PAK2: variants seen among roughly 807,000 people sequenced by gnomAD.
The protein encoded by PAK2 is serine/threonine-protein kinase PAK 2.
In PAK2, 21 loss-of-function variants were observed where a neutral mutation model predicts 65.9. The ratio of observed to expected loss-of-function variants is 0.32; its 90% CI spans 0.23 to 0.46. The LOEUF is 0.46. Among genes scored for constraint, PAK2 ranks in the 20% least tolerant of loss-of-function variants. The pLI is 1.00. For synonymous variants in PAK2, 204 were observed against 219.7 expected (o/e 0.93, Z 0.63); for missense variants, 324 against 642.6 (o/e 0.50, Z 5.36).
chr3:196,795,860 T>C (rs926403438), intron 2 of PAK2, among the ~76,000 whole-genome samples: 3 of 152,202 alleles, frequency 2.0e-5, no homozygotes, highest in Admixed American at 2.0e-4. Context: ...ATGTGGCACC[T>C]CCGTGGTTCT....
At chr3:196,802,872 C>T (rs1462739051) in intron 3 of PAK2, 145 bp from the exon 4 acceptor site, 2 of 526,416 alleles carry the variant, frequency 3.8e-6, no homozygotes, top group African/African-American at 2.0e-5. Context: ...AAAAATAGAC[C>T]TTTAGAAAAT....
In PAK2 at chr3:196,818,963, A is replaced by G. The variant is rs148220788; in HGVS notation, c.1153+807A>G. The stretch of plus-strand genomic sequence containing the variant: ...TTTTAAGTACTCATTTTAGCTATAA[A>G]TATTGTTTGACCTAACTGTTACTCT... On this transcript the variant is annotated intron_variant, in intron 12 of 14. Transcript: ENST00000327134. 5.9e-5 allele frequency among the ~76,000 whole-genome samples: 9 copies of G among 152,298 alleles called. No homozygotes were observed. The East Asian group carries it at 1.7e-3, about 29-fold the overall frequency.
intron 1 of PAK2, among the ~76,000 whole-genome samples, chr3:196,745,818 T>TAA (rs747996109): frequency 2.6e-4 from 37 of 142,194 alleles, no homozygotes; most frequent in Admixed American, 2.1e-4. Flanking sequence ...CATCTCTAAG[T>TAA]AAAAAAAAAA....
At chr3:196,811,209 TC>T (rs1195642274) in intron 8 of PAK2, among the ~76,000 whole-genome samples, 1 of 43,848 alleles carries the variant, frequency 2.3e-5, no homozygotes, top group African/African-American at 1.0e-4. Flanking sequence ...CTCCCTTCCT[TC>T]CCTTCCCTCC....
In PAK2 at chr3:196,762,568, C is replaced by G. The variant is rs183307186; in HGVS notation, c.-21-20058C>G. Reference sequence around the variant, plus strand: ...AGGCGTGGCGGCGCATGCCTGCAATCGCAGGCACTCGGCAGGCTGAGGCAG... The same window carrying G: ...AGGCGTGGCGGCGCATGCCTGCAATGGCAGGCACTCGGCAGGCTGAGGCAG... On this transcript the variant is annotated intron_variant, in intron 1 of 14. Transcript: ENST00000327134. Among the ~76,000 whole-genome samples the G allele has an allele frequency of 3.4e-5, 5 of 148,654 alleles. No individual in the cohort carries two copies. In the East Asian group the frequency reaches 7.9e-4, roughly 24 times the overall value.
chr3:196,756,239 G>A (rs892346105), intron 1 of PAK2, among the ~76,000 whole-genome samples: 6 of 152,072 alleles, frequency 3.9e-5, no homozygotes. Flanking sequence ...GAGAAAAAAG[G>A]GTCACATTTG....
At chr3:196,783,325 C>G (rs1714772712) in intron 2 of PAK2, among the ~76,000 whole-genome samples, 1 of 152,150 alleles carries the variant, frequency 6.6e-6, no homozygotes, top group Admixed American at 6.6e-5. Context: ...AAATATATGT[C>G]TAGTTCAGGG....
chr3:196,784,115 T>C (rs1714803614), intron 2 of PAK2, among the ~76,000 whole-genome samples: 1 of 152,204 alleles, frequency 6.6e-6, no homozygotes, highest in Admixed American at 6.5e-5. Context: ...CCTGGGAAGC[T>C]TAATAAATCT....
chr3:196,815,179 C>CAAA (rs1006098764), intron 11 of PAK2, among the ~76,000 whole-genome samples: 1 of 143,504 alleles, frequency 7.0e-6, no homozygotes, highest in South Asian at 2.2e-4. Flanking sequence ...GAGTCCGTCT[C>CAAA]AAAAAAAAAG....
intron 1 of PAK2, among the ~76,000 whole-genome samples, chr3:196,779,088 C>T (rs1714628054): frequency 6.6e-6 from 1 of 152,192 alleles, no homozygotes; most frequent in South Asian, 2.1e-4. Context: ...CCTGCCTTCA[C>T]TCAAGAGGAG....
At chr3:196,743,562 T>C (rs1339566436) in intron 1 of PAK2, among the ~76,000 whole-genome samples, 2 of 152,118 alleles carry the variant, frequency 1.3e-5, no homozygotes, top group African/African-American at 4.8e-5. Context: ...AAAACTGCCT[T>C]CTAGGCCGGG....
intron 13 of PAK2, among the ~76,000 whole-genome samples, chr3:196,823,730 C>T (rs1312789463): frequency 2.0e-5 from 3 of 149,826 alleles, no homozygotes; most frequent in East Asian, 2.0e-4. Flanking sequence ...GGCATGGTGG[C>T]GTGCACCTGT....
rs71301221 is a variant in PAK2, at chr3:196,759,498, GTTTTTTTTTTT to G, written c.-22+19370_-22+19380del. 6.2e-3 allele frequency among the ~76,000 whole-genome samples: 672 copies of G among 108,166 alleles called. 9 individuals carry two copies. Among genetic ancestry groups the G allele is most frequent in the African/African-American group, 0.022 (628 of 28,000 alleles). 71.0% of individuals were successfully genotyped at this position (108,166 alleles called of 152,430 possible). ...GGTATACAGTTAAGTGGTTTTTTTT[GTTTTTTTTTTT>G]TTTTTTTTTTTTTTTTTTTTTTTTT... On this transcript the variant is annotated intron_variant, in intron 1 of 14. Transcript: ENST00000327134.
At chr3:196,794,808 C>G (rs1715195700) in intron 2 of PAK2, among the ~76,000 whole-genome samples, 1 of 152,180 alleles carries the variant, frequency 6.6e-6, no homozygotes, top group African/African-American at 2.4e-5. Flanking sequence ...CCTTCCTGTA[C>G]TGCTACCAGA....
chr3:196,767,252 T>A (rs1437795754), intron 1 of PAK2, among the ~76,000 whole-genome samples: 1 of 152,154 alleles, frequency 6.6e-6, no homozygotes, highest in African/African-American at 2.4e-5. Context: ...TATCTTTTTG[T>A]ATTTTTGTGA....
intron 11 of PAK2, among the ~76,000 whole-genome samples, chr3:196,815,440 C>T (rs1294964941): frequency 6.8e-6 from 1 of 147,062 alleles, no homozygotes; most frequent in East Asian, 2.0e-4. Context: ...TGCAGTGAGC[C>T]AAAATTGCGC....
rs1712055771 is a variant in PAK2 at position 196,830,889 on chromosome 3, T to C, written c.*2484T>C. 1 of 151,844 alleles carries C rather than the reference T, an allele frequency of 6.6e-6. No homozygotes were observed. Among genetic ancestry groups the C allele is most frequent in the Non-Finnish European group, 1.5e-5 (1 of 68,038 alleles). 9.4% of individuals were successfully genotyped at this position (151,844 alleles called of 1,614,324 possible). A position where few individuals can be genotyped will look rare whatever the true frequency, so the allele number is the denominator to read the frequency against. On this transcript the variant is annotated 3_prime_UTR_variant, in exon 15 of 15. Transcript: ENST00000327134. ...TATCTGAATCAAGATTCATGTTTTT[T>C]ATTTTTATTTTTTTTGATACAGAGT...
At chr3:196,812,597 A>G in intron 9 of PAK2, 142 bp from the exon 10 acceptor site, 1 of 600,124 alleles carries the variant, frequency 1.7e-6, no homozygotes, top group Non-Finnish European at 3.0e-6. Flanking sequence ...GTGCACAGGC[A>G]GTGTGCAAGG....
At chr3:196,749,792 ACCC>A (rs1713508380) in intron 1 of PAK2, among the ~76,000 whole-genome samples, 1 of 150,722 alleles carries the variant, frequency 6.6e-6, no homozygotes, top group Admixed American at 6.6e-5. Flanking sequence ...TTTGGATTTT[ACCC>A]ATTCCAATAG....
Sources: gnomAD v4.1 joint callset for allele counts (sites outside exome capture counted in the v4.1 genomes callset) on GRCh38, gnomAD v4.1.1 for gene constraint, MANE v1.5 for transcripts, NCBI Gene and HGNC (gene_info 2026-07-23, HGNC 2026-07-21) for gene names.